FANCI: variants seen among roughly 807,000 people sequenced by gnomAD.
FANCI encodes FA complementation group I.
A neutral mutation model predicts 176.1 loss-of-function variants in FANCI; 156 were observed. The ratio of observed to expected loss-of-function variants is 0.89; its 90% CI spans 0.78 to 1.01. The LOEUF (loss-of-function observed/expected upper bound fraction) is 1.01. Ranked by LOEUF, FANCI falls within the 50% of genes least tolerant of loss-of-function variation. The probability of loss-of-function intolerance (pLI) is 0.00; values close to 1 mark genes in which losing one functional copy is unlikely to be tolerated. For missense variants in FANCI, 1,678 were observed against 1,534.1 expected (o/e 1.09, Z -1.57); for synonymous variants, 613 against 541.7 (o/e 1.13, Z -1.83).
intron 14 of FANCI, 132 bp downstream of exon 14, chr15:89,278,906 AAATCCATTT>A: frequency 1.4e-6 from 1 of 699,100 alleles, no homozygotes. Flanking sequence ...CCAATAAAGG[AAATCCATTT>A]ATGTTGTCTG....
At chr15:89,269,966 A>G (rs2053135915) in intron 10 of FANCI, among the ~76,000 whole-genome samples, 1 of 152,040 alleles carries the variant, frequency 6.6e-6, no homozygotes, top group South Asian at 2.1e-4. Context: ...GCGTGCCACC[A>G]CGCCTGGCTA....
In FANCI at chr15:89,316,843, A is replaced by C. The variant is rs536522307; in HGVS notation, c.*384A>C. 2.1e-5 allele frequency: 34 copies of C among 1,598,480 alleles called. No individual in the cohort carries two copies. Among genetic ancestry groups the C allele is most frequent in the Non-Finnish European group, 2.9e-5 (34 of 1,165,780 alleles). On this transcript the variant is annotated 3_prime_UTR_variant, in exon 38 of 38. Coordinates refer to ENST00000310775, the MANE Select transcript of FANCI (RefSeq NM_001113378.2). The stretch of plus-strand genomic sequence containing the variant: ...AGCGCTTCACCTGAAAGATAGTGCA[A>C]ATTGGTTAGGATGCCACCTCAAGAA...
Position 89,292,818 on chromosome 15 carries a change from C to T in FANCI, c.2123C>T (p.Ser708Phe). ...FYEDLDDILE[S>F]ITNRMIKSEL... is the part of the protein sequence containing the mutation. ...GAAGACCTAGATGATATATTGGAGT[C>T]CATTACTAATAGAATGATTAAGAGT... The change falls in exon 21 of 38, where the codon TCC (serine) becomes TTC (phenylalanine). Residue 708 changes from serine to phenylalanine, a missense_variant. Physicochemically the swap from Ser to Phe is radical, Grantham distance 155 (BLOSUM62 -2). This residue lies in a region of FANCI where 1,204 missense variants were observed against 1,077.4 expected (regional missense o/e 1.12). Coordinates refer to ENST00000310775, the MANE Select transcript of FANCI (RefSeq NM_001113378.2). The T allele has an allele frequency of 1.2e-6, 2 of 1,614,022 alleles. No homozygotes were observed. The highest frequency in any genetic ancestry group is 8.5e-7 in the Non-Finnish European group (1 of 1,179,978).
At chr15:89,315,505 A>G (rs1220673539) in intron 37 of FANCI, 116 bp downstream of exon 37, 4 of 743,638 alleles carry the variant, frequency 5.4e-6, no homozygotes, top group Non-Finnish European at 9.6e-6. Context: ...CTAAAAGGTG[A>G]TCAGGCAAAG....
intron 1 of FANCI, among the ~76,000 whole-genome samples, chr15:89,247,192 C>G (rs1265097966): frequency 6.6e-6 from 1 of 151,672 alleles, no homozygotes; most frequent in East Asian, 1.9e-4. Context: ...GTTTTTATAC[C>G]ATTTAATTGG....
intron 36 of FANCI, 142 bp downstream of exon 36, chr15:89,314,849 C>CCCCCT (rs1567180887): frequency 3.3e-5 from 12 of 362,076 alleles, no homozygotes; most frequent in African/African-American, 1.6e-4. Context: ...CCCCCCCCCC[C>CCCCCT]TTTTTTTTTT....
chr15:89,261,702 G>A lies in FANCI; in HGVS notation c.406G>A (p.Ala136Thr), dbSNP rs139181400. The change falls in exon 5 of 38, where the codon GCC becomes ACC. Residue 136 changes from alanine (A) to threonine (T), a missense_variant. This residue lies in a region of FANCI where 469 missense variants were observed against 436.9 expected (regional missense o/e 1.07). Coordinates refer to ENST00000310775, the MANE Select transcript of FANCI (RefSeq NM_001113378.2). The stretch of plus-strand genomic sequence containing the variant: ...GGAGTTACTACCTATCATTCTCACT[G>A]CCCTGGCTACGAAAAAGGAAAATCT... ...SLELLPIILT[A>T]LATKKENLAY... 77 of 1,614,108 alleles carry A rather than the reference G, an allele frequency of 4.8e-5. 1 individual carries two copies. The African/African-American group carries it at 9.6e-4, about 20-fold the overall frequency.
rs2054481814 is a variant in FANCI, at chr15:89,300,338, G to C, written c.2842G>C (p.Asp948His). The change falls in exon 26 of 38, where the codon GAT (aspartate) becomes CAT (histidine). Residue 948 changes from aspartate to histidine, a missense_variant. Around this residue, in one of 3 missense-constraint regions of FANCI, gnomAD observed 1,204 missense variants for 1,077.4 expected, o/e 1.12. Transcript: ENST00000310775. Reference protein sequence around the residue: ...DKEGEEREDADVSVTQRTAFQ... With the variant: ...DKEGEEREDAHVSVTQRTAFQ... ...GGAAGGAGAAGAGAGAGAAGATGCA[G>C]ATGTCAGTGTCACTCAGAGAACAGC... 1 of 1,613,920 alleles carries C rather than the reference G, an allele frequency of 6.2e-7. No individual in the cohort carries two copies. The highest frequency in any genetic ancestry group is 1.7e-5 in the Admixed American group (1 of 60,004).
chr15:89,263,238 T>C (rs2052791118), intron 6 of FANCI, among the ~76,000 whole-genome samples, 181 bp from the exon 7 acceptor site: 1 of 152,206 alleles, frequency 6.6e-6, no homozygotes, highest in Admixed American at 6.5e-5. Context: ...AATTTTGATT[T>C]TGCGAGTCGG....
chr15:89,305,931 T>A (rs950985773), intron 31 of FANCI, 76 bp from the exon 32 acceptor site: 2 of 1,469,708 alleles, frequency 1.4e-6, no homozygotes, highest in East Asian at 4.5e-5. Context: ...TTAGTAGTAA[T>A]CAATTTCTAA....
At chr15:89,253,427 T>C (rs1298312680) in intron 2 of FANCI, among the ~76,000 whole-genome samples, 1 of 152,070 alleles carries the variant, frequency 6.6e-6, no homozygotes, top group Non-Finnish European at 1.5e-5. Flanking sequence ...GGTGGGAAGA[T>C]CGCTTGAGCC....
chr15:89,298,206 C>G (rs1194404521), intron 24 of FANCI, among the ~76,000 whole-genome samples: 1 of 152,066 alleles, frequency 6.6e-6, no homozygotes, highest in Non-Finnish European at 1.5e-5. Context: ...CTTCAAAATA[C>G]ACACTTCTTT....
Position 89,314,652 on chromosome 15 carries a change from T to C in FANCI, c.3761T>C (p.Ile1254Thr). 6.2e-7 allele frequency: 1 copy of C among 1,614,186 alleles called. No individual in the cohort carries two copies. The highest frequency in any genetic ancestry group is 8.5e-7 in the Non-Finnish European group (1 of 1,180,024). ...GAAACCAAGCCAATCCCTAACCTCA[T>C]CTTTGCCATAGAACAGTATGAAAAA... is the stretch of plus-strand genomic sequence containing the variant. ...LRETKPIPNL[I>T]FAIEQYEKFL... The change falls in exon 36 of 38, where the codon ATC becomes ACC. Residue 1254 changes from isoleucine (I) to threonine (T), a missense_variant. Ile to Thr is a moderately conservative substitution (Grantham distance 89). Coordinates refer to ENST00000310775, the MANE Select transcript of FANCI (RefSeq NM_001113378.2).
intron 24 of FANCI, among the ~76,000 whole-genome samples, chr15:89,298,009 T>G (rs2054374559): frequency 6.6e-6 from 1 of 151,930 alleles, no homozygotes; most frequent in Non-Finnish European, 1.5e-5. Flanking sequence ...CAAAAACTGA[T>G]GGAACTGAAG....
At chr15:89,313,973 T>TCACACA (rs139859584) in intron 35 of FANCI, among the ~76,000 whole-genome samples, 3,279 of 98,150 alleles carry the variant, frequency 0.033, 105 homozygotes, top group East Asian at 0.18. Context: ...AGATATATAA[T>TCACACA]CACACACACA....
intron 3 of FANCI, among the ~76,000 whole-genome samples, chr15:89,260,276 A>G (rs1275200521): frequency 1.3e-5 from 2 of 152,242 alleles, no homozygotes. Flanking sequence ...AAAATATCAA[A>G]TGGAGATCCC....
At chr15:89,312,082 A>G (rs2054987054) in intron 34 of FANCI, among the ~76,000 whole-genome samples, 1 of 152,190 alleles carries the variant, frequency 6.6e-6, no homozygotes, top group South Asian at 2.1e-4. Flanking sequence ...ATGATAACCC[A>G]TTGCACATAA....
In FANCI at chr15:89,267,234, C is replaced by T. The variant is rs182201299; in HGVS notation, c.756-1165C>T. Among the ~76,000 whole-genome samples the T allele has an allele frequency of 1.6e-3, 242 of 151,882 alleles. 1 individual carries two copies. The highest frequency in any genetic ancestry group is 3.9e-3 in the African/African-American group (160 of 41,406). On this transcript the variant is annotated intron_variant, in intron 9 of 37. Coordinates refer to ENST00000310775, the MANE Select transcript of FANCI (RefSeq NM_001113378.2). ...ACTTGGGAGGCTGAGGCAGGAGAAT[C>T]ACTTGAGCTCAGGAGGCGGAGGTTG...
chr15:89,251,555 T>C (rs2052250725), intron 2 of FANCI, among the ~76,000 whole-genome samples: 1 of 152,036 alleles, frequency 6.6e-6, no homozygotes, highest in South Asian at 2.1e-4. Context: ...AAAGATAGCA[T>C]AGAAAAAAGA....
Sources: allele counts gnomAD v4.1 joint callset (sites outside exome capture counted in the v4.1 genomes callset), GRCh38; gene constraint gnomAD v4.1.1; regional missense constraint gnomAD v4.1.1; transcripts MANE v1.5; gene names NCBI Gene and HGNC (gene_info 2026-07-23, HGNC 2026-07-21).